The following USP34 variants were observed in gnomAD, a reference collection of about 807,000 sequenced individuals.
USP34 encodes the protein ubiquitin specific peptidase 34, also known as ubiquitin carboxyl-terminal hydrolase 34.
In USP34, 70 loss-of-function variants were observed where a neutral mutation model predicts 460.3. The observed-to-expected ratio is 0.15, with a 90% CI of 0.13 to 0.19. The LOEUF is 0.19. Ranked by LOEUF, USP34 falls within the 10% of genes least tolerant of loss-of-function variation. USP34 has a pLI of 1.00. For synonymous variants in USP34, 1,647 were observed against 1,405.3 expected (o/e 1.17, Z -3.85); for missense variants, 3,985 against 4,236.2 (o/e 0.94, Z 1.65).
At position 61,211,736 on chromosome 2, in the gene USP34, G is replaced by C. The variant is rs942477481; in HGVS notation, c.8840+36C>G. The C allele has an allele frequency of 2.6e-6, 4 of 1,524,132 alleles. No individual in the cohort carries two copies. The African/African-American group carries it at 5.8e-5, about 22-fold the overall frequency. The allele number at this position is 1,524,132 out of a possible 1,614,324, so 94.4% of individuals were successfully genotyped here. Reference sequence around the variant, plus strand: ...CAAAAGGATGGTCCTCATCTCACTGGAAATAAACAAGACAAAACTAAAAAC... The same window carrying C: ...CAAAAGGATGGTCCTCATCTCACTGCAAATAAACAAGACAAAACTAAAAAC... On this transcript the variant is annotated intron_variant, in intron 69 of 79. Transcript: ENST00000398571.
rs78753952 is a variant in USP34 at position 61,444,445 on chromosome 2, C to G, written c.44-23612G>C. ...AAAAGGATAAAAATATAGAAGAAAG[C>G]AAAAGAGAGAAGGAAGATCAAAAGG... On this transcript the variant is annotated intron_variant, in intron 1 of 79. Transcript: ENST00000398571. 3.0e-3 allele frequency among the ~76,000 whole-genome samples: 451 copies of G among 151,812 alleles called. 3 individuals are homozygous for G. Among genetic ancestry groups the G allele is most frequent in the African/African-American group, 0.01 (426 of 41,410 alleles).
intron 33 of USP34, 139 bp from the exon 34 acceptor site, chr2:61,289,016 C>A: frequency 3.6e-6 from 3 of 831,518 alleles, no homozygotes; most frequent in Non-Finnish European, 5.5e-6. Context: ...TTCTGCTGCT[C>A]AAATATTATG....
chr2:61,240,047 C>T (rs1465295577), intron 53 of USP34, among the ~76,000 whole-genome samples: 2 of 144,324 alleles, frequency 1.4e-5, no homozygotes, highest in Non-Finnish European at 3.1e-5. Flanking sequence ...CCCAATATTA[C>T]AAAAAAAAAA....
chr2:61,240,045 T>G (rs1390126212), intron 53 of USP34, among the ~76,000 whole-genome samples: 1 of 151,042 alleles, frequency 6.6e-6, no homozygotes, highest in Non-Finnish European at 1.5e-5. Flanking sequence ...ATCCCAATAT[T>G]ACAAAAAAAA....
intron 1 of USP34, 36 bp downstream of exon 1, chr2:61,470,614 C>G: frequency 6.7e-7 from 1 of 1,502,412 alleles, no homozygotes; most frequent in Non-Finnish European, 9.2e-7. Context: ...GACCCCAAAC[C>G]GTGCACCCCG....
chr2:61,235,997 CA>C (rs1277800526), intron 56 of USP34, 28 bp downstream of exon 56: 3 of 1,597,422 alleles, frequency 1.9e-6, no homozygotes, highest in Admixed American at 1.8e-5. Context: ...ACATAAATGA[CA>C]AAAAAATCCA....
chr2:61,226,440 C>T (rs566226888), intron 62 of USP34, among the ~76,000 whole-genome samples: 2 of 152,308 alleles, frequency 1.3e-5, no homozygotes, highest in South Asian at 2.1e-4. Flanking sequence ...GTTGTACATA[C>T]ACATACACAC....
chr2:61,338,951 T>G (rs1691508173), intron 18 of USP34, among the ~76,000 whole-genome samples: 1 of 152,212 alleles, frequency 6.6e-6, no homozygotes, highest in African/African-American at 2.4e-5. Context: ...AGAACAATAC[T>G]AATATCAAAG....
At chr2:61,344,430 CTTAATA>C (rs1279448545) in intron 15 of USP34, among the ~76,000 whole-genome samples, 1 of 152,096 alleles carries the variant, frequency 6.6e-6, no homozygotes, top group African/African-American at 2.4e-5. Context: ...TCTTGATGGA[CTTAATA>C]TTAACTGGGG....
chr2:61,363,685 A>T (rs1233757228), intron 10 of USP34, among the ~76,000 whole-genome samples: 1 of 152,236 alleles, frequency 6.6e-6, no homozygotes, highest in Admixed American at 6.5e-5. Flanking sequence ...TGACTGAAAC[A>T]TGGTTATACA....
chr2:61,254,449 C>A (rs1413568254), intron 48 of USP34, among the ~76,000 whole-genome samples: 2 of 152,232 alleles, frequency 1.3e-5, no homozygotes, highest in African/African-American at 4.8e-5. Context: ...TTGTTTTCCA[C>A]TACTGTTCCA....
intron 44 of USP34, among the ~76,000 whole-genome samples, chr2:61,258,925 G>C (rs556285131): frequency 6.8e-4 from 103 of 152,234 alleles, no homozygotes; most frequent in African/African-American, 2.3e-3. Context: ...GTAGACAACT[G>C]AGATAACTTT....
chr2:61,191,635 CTTTGT>C (rs1037625365), intron 76 of USP34, among the ~76,000 whole-genome samples: 6 of 152,092 alleles, frequency 3.9e-5, no homozygotes, highest in Non-Finnish European at 5.9e-5. Flanking sequence ...TATGGTTAGG[CTTTGT>C]TTTAAGGGAA....
intron 23 of USP34, among the ~76,000 whole-genome samples, chr2:61,316,810 C>T (rs1003240327): frequency 5.3e-5 from 8 of 151,904 alleles, no homozygotes; most frequent in Non-Finnish European, 7.4e-5. Context: ...TGCTAGAACC[C>T]GGGAGGTGGC....
chr2:61,417,056 T>A (rs1324906351), intron 2 of USP34: 15 of 1,344,862 alleles, frequency 1.1e-5, no homozygotes, highest in Middle Eastern at 2.4e-4. Context: ...CCGGGGAACT[T>A]GAACTTGGCC....
At chr2:61,229,908 T>C (rs201047486) in intron 58 of USP34, among the ~76,000 whole-genome samples, 1 of 152,110 alleles carries the variant, frequency 6.6e-6, no homozygotes, top group Admixed American at 6.6e-5. Context: ...AAAATCCTTT[T>C]AGCTAGTGGA....
intron 64 of USP34, 118 bp from the exon 65 acceptor site, chr2:61,222,781 C>T: frequency 2.1e-6 from 2 of 931,404 alleles, no homozygotes; most frequent in Non-Finnish European, 1.7e-6. Context: ...ACTGCAGCCT[C>T]CACTTCTCAG....
chr2:61,246,388 C>T lies in USP34; in HGVS notation c.6484G>A (p.Gly2162Ser). 1.2e-6 allele frequency: 2 copies of T among 1,610,976 alleles called. No individual in the cohort carries two copies. The highest frequency in any genetic ancestry group is 1.7e-6 in the Non-Finnish European group (2 of 1,178,274). Residue 2162 changes from glycine to serine, a missense_variant, in exon 50 of 80, where the codon GGT becomes AGT. Physicochemically the swap from Gly to Ser is moderately conservative, Grantham distance 56. Coordinates refer to ENST00000398571, the MANE Select transcript of USP34 (RefSeq NM_014709.4). ...CTGATAAAGCTATAATAGTGTCCACCATCTGCCGTTCCTGTGTGAACAGTC... is the reference window on the plus strand; with the variant it reads ...CTGATAAAGCTATAATAGTGTCCACTATCTGCCGTTCCTGTGTGAACAGTC... ...GVTVHTGTAD[G>S]GHYYSFIRDI...
At chr2:61,263,750 G>A (rs973174211) in intron 43 of USP34, among the ~76,000 whole-genome samples, 1 of 152,102 alleles carries the variant, frequency 6.6e-6, no homozygotes, top group African/African-American at 2.4e-5. Context: ...CCAAAGTGCT[G>A]GGATTACAGG....
Sources: allele counts gnomAD v4.1 joint callset (sites outside exome capture counted in the v4.1 genomes callset), GRCh38; gene constraint gnomAD v4.1.1; transcripts MANE v1.5; gene names NCBI Gene and HGNC (gene_info 2026-07-23, HGNC 2026-07-21).